ZNF234: variants seen among roughly 807,000 people sequenced by gnomAD.
ZNF234 encodes the protein C2-H2 type zinc finger protein.
A neutral mutation model predicts 10.3 loss-of-function variants in ZNF234; 4 were observed. That is an observed-to-expected ratio of 0.39 (90% CI 0.19 to 0.89). ZNF234 has a LOEUF of 0.89. Ranked by LOEUF, ZNF234 falls within the 40% of genes least tolerant of loss-of-function variation. The pLI is 0.38. For missense variants in ZNF234, 711 were observed against 836.1 expected (o/e 0.85, Z 1.85); for synonymous variants, 258 against 280.1 (o/e 0.92, Z 0.79).
Position 44,156,575 on chromosome 19 carries a change from T to G in ZNF234, c.559T>G (p.Tyr187Asp), listed in dbSNP as rs1167208718. The change falls in exon 6 of 6, where the codon TAC becomes GAC. Residue 187 changes from tyrosine (Y) to aspartate (D), a missense_variant. Transcript: ENST00000426739. ...TGATGAGTGTGGAAAAAGCTTCTGTTACATCTCAGCCCTTCATATTCATCA... is the reference window on the plus strand; with the variant it reads ...TGATGAGTGTGGAAAAAGCTTCTGTGACATCTCAGCCCTTCATATTCATCA... ...TCDECGKSFC[Y>D]ISALHIHQRV... 11 of 1,614,054 alleles carry G rather than the reference T, an allele frequency of 6.8e-6. No individual in the cohort carries two copies. Among genetic ancestry groups the G allele is most frequent in the Non-Finnish European group, 9.3e-6 (11 of 1,180,026 alleles).
rs1968469037 is a variant in ZNF234, at chr19:44,141,813, G to A, written c.-131+80G>A. 6.6e-6 allele frequency: 1 copy of A among 152,328 alleles called. No individual in the cohort carries two copies. The highest frequency in any genetic ancestry group is 1.5e-5 in the Non-Finnish European group (1 of 68,112). 9.4% of individuals were successfully genotyped at this position (152,328 alleles called of 1,614,324 possible). ...TGGGGCTCCCCTCGTGTCCCGCGGC[G>A]GGAGGCGGGGGGCATTGGGACTTGG... On this transcript the variant is annotated intron_variant, in intron 1 of 5. Transcript: ENST00000426739. The surrounding 1 kb of genome is among the most constrained non-coding windows in gnomAD (Gnocchi z 4.6).
chr19:44,149,101 T>C (rs1968671635), intron 4 of ZNF234, among the ~76,000 whole-genome samples: 1 of 152,132 alleles, frequency 6.6e-6, no homozygotes, highest in African/African-American at 2.4e-5. Context: ...ATAAAACTGG[T>C]AAATTGCATG....
In ZNF234 at chr19:44,158,050, A is replaced by C. The variant is rs1968952340; in HGVS notation, c.2034A>C (p.Thr678=). Residue 678 remains threonine (T), a synonymous_variant, in exon 6 of 6, where the codon ACA becomes ACC. Transcript: ENST00000426739. The stretch of plus-strand genomic sequence containing the variant: ...ATCACAAAATTCATGCTGCTGGTAC[A>C]TTTTATGAAAATGATGAGAATAGTA... The part of the protein sequence containing the change: ...VSHHKIHAAG[T]FYENDENSKN... The C allele has an allele frequency of 3.1e-6, 5 of 1,613,564 alleles. No homozygotes were observed. The East Asian group carries it at 8.9e-5, about 29-fold the overall frequency.
In ZNF234 at chr19:44,157,472, T is replaced by C. The variant is rs562829713; in HGVS notation, c.1456T>C (p.Cys486Arg). 14 of 1,613,948 alleles carry C rather than the reference T, an allele frequency of 8.7e-6. No homozygotes were observed. In the East Asian group the frequency reaches 1.1e-4, roughly 13 times the overall value. ...LIHTGEKPYK[C>R]EECGKGFSRR... Reference sequence around the variant, plus strand: ...CCATACCGGTGAGAAACCATACAAATGTGAAGAGTGCGGAAAGGGATTTAG... The same window carrying C: ...CCATACCGGTGAGAAACCATACAAACGTGAAGAGTGCGGAAAGGGATTTAG... Residue 486 changes from cysteine (C) to arginine (R), a missense_variant, in exon 6 of 6, where the codon TGT (cysteine) becomes CGT (arginine). Cys to Arg is a radical substitution (Grantham distance 180, BLOSUM62 -3). Transcript: ENST00000426739.
chr19:44,147,852 C>CA (rs962300954), intron 3 of ZNF234, among the ~76,000 whole-genome samples: 69 of 143,264 alleles, frequency 4.8e-4, no homozygotes, highest in South Asian at 8.8e-4. Flanking sequence ...AGCTCTGTCT[C>CA]AAAAAAAAGA....
rs910947498 is a variant in ZNF234, at chr19:44,160,097, G to A, written c.*1978G>A. The A allele has an allele frequency of 6.6e-6, 1 of 151,452 alleles. No homozygotes were observed. Among genetic ancestry groups the A allele is most frequent in the Non-Finnish European group, 1.5e-5 (1 of 67,956 alleles). 9.4% of individuals were successfully genotyped at this position (151,452 alleles called of 1,614,324 possible). On this transcript the variant is annotated 3_prime_UTR_variant, in exon 6 of 6. Coordinates refer to ENST00000426739, the MANE Select transcript of ZNF234 (RefSeq NM_006630.3). Reference sequence around the variant, plus strand: ...TATTTTTGCCCCACACCCATTAAGCGAATACCAAAAACAACTTGTGGAAAT... The same window carrying A: ...TATTTTTGCCCCACACCCATTAAGCAAATACCAAAAACAACTTGTGGAAAT...
chr19:44,151,747 G>A (rs1968749776), intron 5 of ZNF234, among the ~76,000 whole-genome samples: 1 of 152,126 alleles, frequency 6.6e-6, no homozygotes, highest in African/African-American at 2.4e-5. Flanking sequence ...GCCAGCAACA[G>A]TGCTTCTCTG....
At position 44,148,843 on chromosome 19, in the gene ZNF234, A is replaced by T. The variant is rs1031751305; in HGVS notation, c.88A>T (p.Arg30Trp). ...EELGLLDPVQ[R>W]NLYQDVMLEN... ...GCTGGGGCTGCTGGACCCTGTCCAG[A>T]GGAATCTGTACCAAGATGTGATGCT... Residue 30 changes from arginine to tryptophan, a missense_variant, in exon 4 of 6, where the codon AGG (arginine) becomes TGG (tryptophan). Transcript: ENST00000426739. 6.2e-7 allele frequency: 1 copy of T among 1,614,032 alleles called. No homozygotes were observed. Among genetic ancestry groups the T allele is most frequent in the African/African-American group, 1.3e-5 (1 of 75,058 alleles).
At position 44,150,397 on chromosome 19, in the gene ZNF234, AC is replaced by A; in HGVS notation, c.143-15del. 1 of 1,559,280 alleles carries A rather than the reference AC, an allele frequency of 6.4e-7. No individual in the cohort carries two copies. Among genetic ancestry groups the A allele is most frequent in the East Asian group, 2.3e-5 (1 of 43,096 alleles). On this transcript the variant is annotated splice_polypyrimidine_tract_variant and intron_variant, in intron 4 of 5. Transcript: ENST00000426739. ...TTAGTGTGTTTGTTTTAAATATGTG[AC>A]TTTGCGTGTTCTAGGGCATCACCCC...
chr19:44,144,723 C>A, intron 3 of ZNF234, 76 bp downstream of exon 3: 2 of 1,392,824 alleles, frequency 1.4e-6, no homozygotes, highest in Non-Finnish European at 1.9e-6. Context: ...GACTCAAGAA[C>A]AACGGGCATT....
At chr19:44,155,643 T>A (rs997094650) in intron 5 of ZNF234, among the ~76,000 whole-genome samples, 6 of 152,240 alleles carry the variant, frequency 3.9e-5, no homozygotes, top group African/African-American at 1.4e-4. Flanking sequence ...CATGTAAATA[T>A]AAACATTTCA....
In ZNF234 at chr19:44,157,354, T is replaced by C. The variant is rs1303055285; in HGVS notation, c.1338T>C (p.His446=). 4 of 1,613,838 alleles carry C rather than the reference T, an allele frequency of 2.5e-6. No homozygotes were observed. The highest frequency in any genetic ancestry group is 2.7e-5 in the African/African-American group (2 of 74,908). ...GTCAGAGTTCATATCTTAAAATCCATCTGAAAGCACATAGTGTACAGAAAC... is the reference window on the plus strand; with the variant it reads ...GTCAGAGTTCATATCTTAAAATCCACCTGAAAGCACATAGTGTACAGAAAC... The part of the protein sequence containing the change: ...AFRQSSYLKI[H]LKAHSVQKPF... Residue 446 remains histidine, a synonymous_variant, in exon 6 of 6, where the codon CAT becomes CAC. Transcript: ENST00000426739.
At chr19:44,148,626 A>T in intron 3 of ZNF234, 145 bp from the exon 4 acceptor site, 1 of 1,128,096 alleles carries the variant, frequency 8.9e-7, no homozygotes, top group Non-Finnish European at 1.3e-6. Flanking sequence ...CATTGGTAAG[A>T]TGGAAGGAGA....
Position 44,148,896 on chromosome 19 carries a change from G to A in ZNF234, c.141G>A (p.Val47=). The A allele has an allele frequency of 6.2e-7, 1 of 1,612,972 alleles. No homozygotes were observed. The highest frequency in any genetic ancestry group is 1.1e-5 in the South Asian group (1 of 90,978). ...AGAACTTCAGGAACCTGCTGTCAGTGGGTGAGGACATGAGCTTTCTAACAC... is the reference window on the plus strand; with the variant it reads ...AGAACTTCAGGAACCTGCTGTCAGTAGGTGAGGACATGAGCTTTCTAACAC... ...MLENFRNLLS[V]GHHPFKHDVF... The change falls in exon 4 of 6, where the codon GTG becomes GTA. Residue 47 remains valine (V), a splice_region_variant and synonymous_variant. Coordinates refer to ENST00000426739, the MANE Select transcript of ZNF234 (RefSeq NM_006630.3).
chr19:44,149,416 C>G (rs780845444), intron 4 of ZNF234, among the ~76,000 whole-genome samples: 9 of 152,052 alleles, frequency 5.9e-5, no homozygotes, highest in Non-Finnish European at 1.0e-4. Context: ...CCACTGCACT[C>G]CAGCCTGGGT....
Position 44,156,915 on chromosome 19 carries a change from G to C in ZNF234, c.899G>C (p.Arg300Thr). ...ACATGTGGTAAGAACTTCCGTCGTA[G>C]ATCAGCACTTAATAATCATTGCATG... ...CDTCGKNFRR[R>T]SALNNHCMVH... Residue 300 changes from arginine to threonine, a missense_variant, in exon 6 of 6, where the codon AGA becomes ACA. Arg to Thr is a moderately conservative substitution (Grantham distance 71). Coordinates refer to ENST00000426739, the MANE Select transcript of ZNF234 (RefSeq NM_006630.3). 6.2e-7 allele frequency: 1 copy of C among 1,614,088 alleles called. No homozygotes were observed. Among genetic ancestry groups the C allele is most frequent in the Non-Finnish European group, 8.5e-7 (1 of 1,179,974 alleles).
At chr19:44,154,992 T>C (rs953416937) in intron 5 of ZNF234, among the ~76,000 whole-genome samples, 1 of 152,138 alleles carries the variant, frequency 6.6e-6, no homozygotes, top group African/African-American at 2.4e-5. Context: ...TTTTCCTCTG[T>C]AAAAATTTCC....
At position 44,156,468 on chromosome 19, in the gene ZNF234, A is replaced by T. The variant is rs1371297186; in HGVS notation, c.452A>T (p.Asp151Val). 1.4e-5 allele frequency: 23 copies of T among 1,613,878 alleles called. No homozygotes were observed. The highest frequency in any genetic ancestry group is 1.8e-5 in the Non-Finnish European group (21 of 1,179,930). Reference protein sequence around the residue: ...THTGQKFYQCDEYKKSFTDVF... With the variant: ...THTGQKFYQCVEYKKSFTDVF... Reference sequence around the variant, plus strand: ...ACAGGACAGAAATTTTACCAATGTGATGAGTACAAAAAATCCTTCACTGAT... The same window carrying T: ...ACAGGACAGAAATTTTACCAATGTGTTGAGTACAAAAAATCCTTCACTGAT... The change falls in exon 6 of 6, where the codon GAT becomes GTT. Residue 151 changes from aspartate (D) to valine (V), a missense_variant. Transcript: ENST00000426739.
rs1215229019 is a variant in ZNF234, at chr19:44,156,599, CAA to C, written c.585_586del (p.Arg196SerfsTer9). On this transcript the variant is annotated frameshift_variant, in exon 6 of 6. Transcript: ENST00000426739. LOFTEE classifies it low-confidence loss of function (END_TRUNC). ...FCYISALHIHQRVHMGEKCYK... is the reference protein window; with the variant it reads ...FCYISALHIHXRVHMGEKCYK... ...TTACATCTCAGCCCTTCATATTCAT[CAA>C]AGAGTCCACATGGGAGAGAAATGCT... 1 of 1,614,162 alleles carries C rather than the reference CAA, an allele frequency of 6.2e-7. No individual in the cohort carries two copies. Among genetic ancestry groups the C allele is most frequent in the Non-Finnish European group, 8.5e-7 (1 of 1,180,024 alleles).
Sources: gnomAD v4.1 joint callset for allele counts (sites outside exome capture counted in the v4.1 genomes callset) on GRCh38, gnomAD v4.1.1 for gene constraint, Gnocchi (gnomAD v3.1) non-coding constraint, MANE v1.5 for transcripts, NCBI Gene and HGNC (gene_info 2026-07-23, HGNC 2026-07-21) for gene names.